Variants in CADM1 observed in about 807,000 individuals in gnomAD.
CADM1 encodes the protein cell adhesion molecule 1.
CADM1 carries 15 observed loss-of-function variants against 53.1 expected under a neutral mutation model. That is an observed-to-expected ratio of 0.28 (90% confidence interval 0.19 to 0.44). The LOEUF (loss-of-function observed/expected upper bound fraction) is 0.44, where lower values mean the gene tolerates loss of function less well. Ranked by LOEUF, CADM1 falls within the 20% of genes least tolerant of loss-of-function variation. The probability of loss-of-function intolerance (pLI) is 1.00; values close to 1 mark genes in which losing one functional copy is unlikely to be tolerated. For synonymous variants in CADM1, 281 were observed against 243.0 expected, an observed-to-expected ratio of 1.16 and a Z score of -1.45; for missense variants, 434 against 611.3, an observed-to-expected ratio of 0.71 and a Z score of 3.06.
chr11:115,498,337 A>G (rs1241732198), intron 1 of CADM1, among the ~76,000 whole-genome samples: 1 of 152,222 alleles, frequency 6.6e-6, no homozygotes, highest in Non-Finnish European at 1.5e-5. Flanking sequence ...CAATATATTC[A>G]CAAAATGCAA....
chr11:115,474,268 G>T (rs1383655120), intron 1 of CADM1, among the ~76,000 whole-genome samples: 1 of 133,624 alleles, frequency 7.5e-6, no homozygotes, highest in African/African-American at 2.9e-5. Context: ...TCCAGCCTGG[G>T]TGACAGAGCA....
At chr11:115,408,840 T>C (rs901735314) in intron 1 of CADM1, among the ~76,000 whole-genome samples, 1 of 152,226 alleles carries the variant, frequency 6.6e-6, no homozygotes, top group Non-Finnish European at 1.5e-5. Flanking sequence ...AGTTACATTT[T>C]TGATAGTGTT....
At chr11:115,329,780 G>T (rs1945083142) in intron 1 of CADM1, among the ~76,000 whole-genome samples, 1 of 152,012 alleles carries the variant, frequency 6.6e-6, no homozygotes, top group Non-Finnish European at 1.5e-5. Context: ...TTTTATTGCT[G>T]GATGGAGATG....
At chr11:115,200,291 C>T (rs986682287) in intron 8 of CADM1, among the ~76,000 whole-genome samples, 27 of 152,186 alleles carry the variant, frequency 1.8e-4, no homozygotes, top group Admixed American at 1.4e-3. Flanking sequence ...ACACAGATGA[C>T]ACATTTCCTT....
intron 1 of CADM1, among the ~76,000 whole-genome samples, chr11:115,486,022 T>C (rs2135418098): frequency 6.6e-6 from 1 of 152,338 alleles, no homozygotes; most frequent in African/African-American, 2.4e-5. Flanking sequence ...GTCATTCAAG[T>C]CCAAAATCAA....
intron 1 of CADM1, among the ~76,000 whole-genome samples, chr11:115,358,767 T>A (rs1305092125): frequency 6.6e-6 from 1 of 152,226 alleles, no homozygotes; most frequent in African/African-American, 2.4e-5. Flanking sequence ...TACCTTTTCC[T>A]TCAAATATCA....
chr11:115,391,827 G>T (rs1946843694), intron 1 of CADM1, among the ~76,000 whole-genome samples: 1 of 152,092 alleles, frequency 6.6e-6, no homozygotes, highest in African/African-American at 2.4e-5. Context: ...CAGAGTTCCC[G>T]CCCATGCATG....
At chr11:115,350,866 C>T (rs775808216) in intron 1 of CADM1, among the ~76,000 whole-genome samples, 2 of 150,632 alleles carry the variant, frequency 1.3e-5, no homozygotes, top group Non-Finnish European at 2.9e-5. Flanking sequence ...CGTTTAAAAT[C>T]GCTATCATGG....
At chr11:115,280,684 C>A (rs571752126) in intron 1 of CADM1, among the ~76,000 whole-genome samples, 1 of 152,226 alleles carries the variant, frequency 6.6e-6, no homozygotes, top group Admixed American at 6.5e-5. Flanking sequence ...CAGATCTTCA[C>A]AGATCCGTGG....
rs952335280 is a variant in CADM1, at chr11:115,178,780, T to TA, written c.1166-6dup. ...CTTCTTCACCTGCTCGGGAATCTGT[T>TA]AAAATCAGAAGAGGAATAGGGATGT... On this transcript the variant is annotated splice_region_variant and splice_polypyrimidine_tract_variant and intron_variant, in intron 10 of 11. Coordinates refer to ENST00000331581, the MANE Select transcript of CADM1 (RefSeq NM_001301043.2). 8.1e-6 allele frequency: 13 copies of TA among 1,613,788 alleles called. No homozygotes were observed. The highest frequency in any genetic ancestry group is 9.3e-6 in the Non-Finnish European group (11 of 1,179,958).
intron 1 of CADM1, among the ~76,000 whole-genome samples, chr11:115,291,924 A>G (rs746498086): frequency 6.6e-6 from 1 of 152,218 alleles, no homozygotes; most frequent in Non-Finnish European, 1.5e-5. Flanking sequence ...ATTCTGAGAG[A>G]TTGCAGAGCA....
chr11:115,487,107 C>T (rs547725048), intron 1 of CADM1, among the ~76,000 whole-genome samples: 1 of 152,148 alleles, frequency 6.6e-6, no homozygotes, highest in Non-Finnish European at 1.5e-5. Flanking sequence ...TTTGCTCCAG[C>T]CTTGTTGTTT....
At chr11:115,196,544 G>T (rs1940156134) in intron 9 of CADM1, among the ~76,000 whole-genome samples, 1 of 119,258 alleles carries the variant, frequency 8.4e-6, no homozygotes, top group Non-Finnish European at 1.6e-5. Flanking sequence ...ATTGGAAGAA[G>T]AATTGTCTTG....
chr11:115,420,262 GCAAGGGGA>G (rs1947720352), intron 1 of CADM1, among the ~76,000 whole-genome samples: 1 of 152,206 alleles, frequency 6.6e-6, no homozygotes, highest in African/African-American at 2.4e-5. Flanking sequence ...CACCACACAA[GCAAGGGGA>G]CAAGTTATAG....
At chr11:115,405,823 A>C (rs1047367548) in intron 1 of CADM1, among the ~76,000 whole-genome samples, 2 of 152,188 alleles carry the variant, frequency 1.3e-5, no homozygotes, top group African/African-American at 4.8e-5. Context: ...AAGATGACTG[A>C]AATGGACATG....
intron 1 of CADM1, among the ~76,000 whole-genome samples, chr11:115,455,982 C>T (rs1229593422): frequency 1.3e-5 from 2 of 152,116 alleles, no homozygotes; most frequent in East Asian, 1.9e-4. Flanking sequence ...GGCATAGTGG[C>T]ACAGTTCTAA....
chr11:115,218,280 A>T (rs958388463), intron 5 of CADM1: 1 of 410,624 alleles, frequency 2.4e-6, no homozygotes, highest in Admixed American at 3.5e-5. Context: ...CTCCAAACTC[A>T]CTCAAGCTAA....
intron 10 of CADM1, among the ~76,000 whole-genome samples, chr11:115,189,902 C>T (rs565015985): frequency 3.9e-4 from 59 of 152,268 alleles, no homozygotes; most frequent in Non-Finnish European, 7.6e-4. Flanking sequence ...GTCAGAAGCA[C>T]GTAGTTGGCA....
At chr11:115,217,563 T>C (rs1368575475) in intron 6 of CADM1, among the ~76,000 whole-genome samples, 3 of 152,202 alleles carry the variant, frequency 2.0e-5, no homozygotes, top group Middle Eastern at 3.2e-3. Flanking sequence ...GTGGCAGATA[T>C]ATCATTAGAT....
Sources: gnomAD v4.1 joint callset for allele counts (sites outside exome capture counted in the v4.1 genomes callset) on GRCh38, gnomAD v4.1.1 for gene constraint, MANE v1.5 for transcripts, NCBI Gene and HGNC (gene_info 2026-07-23, HGNC 2026-07-21) for gene names.